The following CFAP58 variants were observed in gnomAD, a reference collection of about 807,000 sequenced individuals.
The protein encoded by CFAP58 is cilia and flagella associated protein 58.
In CFAP58, 88 loss-of-function variants were observed where a neutral mutation model predicts 119.5. The observed-to-expected ratio is 0.74, with a 90% CI of 0.62 to 0.88. The LOEUF (loss-of-function observed/expected upper bound fraction) is 0.88. Ranked by LOEUF, CFAP58 falls within the 40% of genes least tolerant of loss-of-function variation. CFAP58 has a pLI of 0.00. For missense variants in CFAP58, 990 were observed against 1,021.2 expected (o/e 0.97, Z 0.42); for synonymous variants, 365 against 366.3 (o/e 1.00, Z 0.04).
At chr10:104,416,982 A>G (rs1037623068) in intron 15 of CFAP58, among the ~76,000 whole-genome samples, 3 of 152,256 alleles carry the variant, frequency 2.0e-5, no homozygotes, top group Non-Finnish European at 4.4e-5. Flanking sequence ...TACTCCAAGC[A>G]TGGACTCCAG....
Position 104,368,368 on chromosome 10 carries a change from C to G in CFAP58, c.793-55C>G, listed in dbSNP as rs920033551. On this transcript the variant is annotated intron_variant, in intron 5 of 17. Coordinates refer to ENST00000369704, the MANE Select transcript of CFAP58 (RefSeq NM_001008723.2). ...TTTGTGGGGCCCCCTGTGTGTATAT[C>G]CAACTATTGTAATCAGATTAAAAAG... 1.9e-6 allele frequency: 3 copies of G among 1,580,306 alleles called. No homozygotes were observed. In the African/African-American group the frequency reaches 4.1e-5, roughly 21 times the overall value.
intron 11 of CFAP58, among the ~76,000 whole-genome samples, chr10:104,395,109 A>G (rs990049961): frequency 6.6e-6 from 1 of 152,196 alleles, no homozygotes; most frequent in Non-Finnish European, 1.5e-5. Context: ...GTTCTACAAA[A>G]TCCTGCTTTA....
chr10:104,440,427 A>C (rs576040769), intron 15 of CFAP58, among the ~76,000 whole-genome samples: 1 of 152,162 alleles, frequency 6.6e-6, no homozygotes, highest in Non-Finnish European at 1.5e-5. Context: ...CCATCCTTGA[A>C]TCCTTGTAAT....
At chr10:104,357,854 T>G (rs1318490831) in intron 1 of CFAP58, among the ~76,000 whole-genome samples, 1 of 43,700 alleles carries the variant, frequency 2.3e-5, no homozygotes, top group African/African-American at 9.1e-5. Flanking sequence ...TGTACACATA[T>G]ATACACATAT....
At chr10:104,394,930 C>T (rs1023696904) in intron 11 of CFAP58, among the ~76,000 whole-genome samples, 1 of 152,164 alleles carries the variant, frequency 6.6e-6, no homozygotes, top group African/African-American at 2.4e-5. Flanking sequence ...ATTGCTTCAC[C>T]CATGAGTGGT....
At chr10:104,354,803 G>T (rs2014520061) in intron 1 of CFAP58, among the ~76,000 whole-genome samples, 1 of 152,086 alleles carries the variant, frequency 6.6e-6, no homozygotes, top group South Asian at 2.1e-4. Context: ...CCAAGAATGG[G>T]GCCTTTCTGA....
chr10:104,443,598 G>A (rs977862905), intron 15 of CFAP58, among the ~76,000 whole-genome samples: 4 of 152,220 alleles, frequency 2.6e-5, no homozygotes, highest in Non-Finnish European at 2.9e-5. Context: ...TCGTGTATGC[G>A]AGCTGAGGAA....
the CFAP58 span, among the ~76,000 whole-genome samples, chr10:104,339,423 C>T: frequency 6.6e-6 from 1 of 152,156 alleles, no homozygotes; most frequent in Non-Finnish European, 1.5e-5. Context: ...ATTGTCTTCC[C>T]TTTGACCTGC....
At chr10:104,386,253 C>G (rs1449067922) in intron 9 of CFAP58, among the ~76,000 whole-genome samples, 1 of 151,304 alleles carries the variant, frequency 6.6e-6, no homozygotes, top group East Asian at 1.9e-4. Flanking sequence ...TGGTGGGCAC[C>G]TGTAATCCCA....
chr10:104,408,920 C>T (rs914946177), intron 15 of CFAP58, among the ~76,000 whole-genome samples: 5 of 152,038 alleles, frequency 3.3e-5, no homozygotes, highest in Non-Finnish European at 7.4e-5. Flanking sequence ...GATAACATGG[C>T]AAAACCTTAT....
chr10:104,433,934 A>G (rs1168698343), intron 15 of CFAP58, among the ~76,000 whole-genome samples: 1 of 151,792 alleles, frequency 6.6e-6, no homozygotes, highest in African/African-American at 2.4e-5. Flanking sequence ...CAGAACCCTC[A>G]CTCCCTTGGC....
chr10:104,383,864 T>G (rs1217228995), intron 9 of CFAP58, among the ~76,000 whole-genome samples: 4 of 152,100 alleles, frequency 2.6e-5, no homozygotes, highest in Non-Finnish European at 5.9e-5. Flanking sequence ...CTGGGGAAGA[T>G]GTCATGAAAC....
At chr10:104,407,850 C>G (rs2012391259) in intron 15 of CFAP58, among the ~76,000 whole-genome samples, 1 of 152,126 alleles carries the variant, frequency 6.6e-6, no homozygotes, top group Admixed American at 6.5e-5. Context: ...GTGTGTGCCA[C>G]CATGCCTGGC....
chr10:104,397,865 G>A (rs1168826841), intron 11 of CFAP58, among the ~76,000 whole-genome samples: 2 of 152,136 alleles, frequency 1.3e-5, no homozygotes, highest in Non-Finnish European at 2.9e-5. Flanking sequence ...ATGTAACTTT[G>A]GTTCCCCCAC....
At chr10:104,358,798 T>C (rs915773987) in intron 2 of CFAP58, among the ~76,000 whole-genome samples, 176 bp downstream of exon 2, 5 of 152,204 alleles carry the variant, frequency 3.3e-5, no homozygotes, top group Admixed American at 6.5e-5. Flanking sequence ...TTAGCCTGGG[T>C]GAATCACATC....
At chr10:104,396,473 A>C (rs1248350158) in intron 11 of CFAP58, among the ~76,000 whole-genome samples, 3 of 150,164 alleles carry the variant, frequency 2.0e-5, no homozygotes, top group Non-Finnish European at 4.4e-5. Context: ...AAAGAGAGAG[A>C]GAGCCTAATT....
intron 15 of CFAP58, among the ~76,000 whole-genome samples, chr10:104,430,631 A>G (rs1208648229): frequency 6.6e-6 from 1 of 152,156 alleles, no homozygotes; most frequent in East Asian, 1.9e-4. Context: ...TATTATTTAT[A>G]TAAAGAGGTG....
chr10:104,343,299 G>A, the CFAP58 span, among the ~76,000 whole-genome samples: 183 of 152,284 alleles, frequency 1.2e-3, no homozygotes, highest in African/African-American at 4.2e-3. Context: ...TGGGAATGTC[G>A]GAGCCCACAG....
rs1564876013 is a variant in CFAP58 at position 104,357,932 on chromosome 10, C to CATATGT, written c.10-408_10-407insTATGTA. 2.4e-4 allele frequency among the ~76,000 whole-genome samples: 26 copies of CATATGT among 107,392 alleles called. 3 individuals are homozygous for CATATGT. Among genetic ancestry groups the CATATGT allele is most frequent in the East Asian group, 1.2e-3 (5 of 4,098 alleles). 70.5% of individuals were successfully genotyped at this position (107,392 alleles called of 152,430 possible). On this transcript the variant is annotated intron_variant, in intron 1 of 17. Coordinates refer to ENST00000369704, the MANE Select transcript of CFAP58 (RefSeq NM_001008723.2). ...ATACACACATATATGTACACATATA[C>CATATGT]ACACATATATGTACACATATATACA...
Sources: allele counts gnomAD v4.1 joint callset (sites outside exome capture counted in the v4.1 genomes callset), GRCh38; gene constraint gnomAD v4.1.1; transcripts MANE v1.5; gene names NCBI Gene and HGNC (gene_info 2026-07-23, HGNC 2026-07-21).